CASK: variants seen among roughly 807,000 people sequenced by gnomAD.
CASK encodes the protein peripheral plasma membrane protein CASK.
CASK carries 4 observed loss-of-function variants against 82.9 expected under a neutral mutation model. The observed-to-expected ratio is 0.05, with a 90% CI of 0.02 to 0.11. CASK has a LOEUF of 0.11. Ranked by LOEUF, CASK falls within the 10% of genes least tolerant of loss-of-function variation. The pLI, the probability that CASK is intolerant of heterozygous loss-of-function variation, is 1.00. For missense variants in CASK, 358 were observed against 720.9 expected (o/e 0.50, Z 5.76); for synonymous variants, 259 against 253.5 (o/e 1.02, Z -0.20).
chrX:41,843,183 A>G (rs2071080651), intron 2 of CASK, among the ~76,000 whole-genome samples: 1 of 112,012 alleles, frequency 8.9e-6, no homozygotes, highest in African/African-American at 3.2e-5. Flanking sequence ...TGCCTTGGCT[A>G]AAATTTCCAG....
At chrX:41,772,345 CAAAAAAAAA>C (rs761427437) in intron 3 of CASK, among the ~76,000 whole-genome samples, 1 of 26,356 alleles carries the variant, frequency 3.8e-5, no homozygotes, top group Non-Finnish European at 5.8e-5. Flanking sequence ...GACTCTGTCT[CAAAAAAAAA>C]AAAAAAAAAA....
rs1323933838 is a variant in CASK at position 41,515,957 on chromosome X, A to G, written c.*4463T>C. The G allele has an allele frequency of 8.9e-6, 1 of 112,494 alleles. No homozygotes were observed. The highest frequency in any genetic ancestry group is 3.2e-5 in the African/African-American group (1 of 30,996). The allele number at this position is 112,494 out of a possible 1,213,427, so 9.3% of individuals were successfully genotyped here. ...AAAGGAGGTCTCCTGTGTGGTGACAAACATCTCTTTCCATTTTCTTTTGCT... is the reference window on the plus strand; with the variant it reads ...AAAGGAGGTCTCCTGTGTGGTGACAGACATCTCTTTCCATTTTCTTTTGCT... On this transcript the variant is annotated 3_prime_UTR_variant, in exon 27 of 27. Coordinates refer to ENST00000378163, the MANE Select transcript of CASK (RefSeq NM_001367721.1).
chrX:41,658,550 G>A (rs2066979096), intron 8 of CASK, among the ~76,000 whole-genome samples: 1 of 111,984 alleles, frequency 8.9e-6, no homozygotes, highest in South Asian at 3.7e-4. Flanking sequence ...TGTGGTGTGA[G>A]AGCAGTTTGA....
chrX:41,598,166 G>C (rs1457478502), intron 12 of CASK, among the ~76,000 whole-genome samples: 3 of 105,248 alleles, frequency 2.9e-5, no homozygotes, highest in Non-Finnish European at 5.7e-5. Context: ...CACACACAGA[G>C]TCCTTTCAAA....
chrX:41,811,774 C>T (rs2070292607), intron 2 of CASK, among the ~76,000 whole-genome samples: 2 of 111,422 alleles, frequency 1.8e-5, no homozygotes, highest in Non-Finnish European at 3.8e-5. Flanking sequence ...CATAAAAAAC[C>T]CTTCAAAAAA....
At chrX:41,528,787 C>G (rs2064752056) in intron 25 of CASK, among the ~76,000 whole-genome samples, 1 of 112,044 alleles carries the variant, frequency 8.9e-6, no homozygotes, top group Non-Finnish European at 1.9e-5. Context: ...GAGGCTCTGC[C>G]TGAAAGCAAG....
chrX:41,571,214 T>C (rs1416981409), intron 15 of CASK, among the ~76,000 whole-genome samples: 1 of 111,694 alleles, frequency 9.0e-6, no homozygotes, highest in Non-Finnish European at 1.9e-5. Flanking sequence ...TTTTTCAATG[T>C]TTTGAAAAGA....
chrX:41,911,825 A>C (rs1281980491), intron 1 of CASK, among the ~76,000 whole-genome samples: 4 of 111,851 alleles, frequency 3.6e-5, no homozygotes, highest in Non-Finnish European at 7.5e-5. Flanking sequence ...CAAATTATGA[A>C]AATCTGTAAC....
intron 1 of CASK, among the ~76,000 whole-genome samples, chrX:41,913,731 A>T (rs185974856): frequency 8.9e-6 from 1 of 112,639 alleles, no homozygotes; most frequent in Admixed American, 9.4e-5. Context: ...TATCTCAGAG[A>T]CATTCTAGAA....
At chrX:41,819,871 C>T (rs1046252029) in intron 2 of CASK, among the ~76,000 whole-genome samples, 2 of 111,736 alleles carry the variant, frequency 1.8e-5, no homozygotes, top group Admixed American at 9.5e-5. Context: ...AGAAATTCAA[C>T]ACTTATCCAT....
chrX:41,812,803 C>T (rs1283629465), intron 2 of CASK, among the ~76,000 whole-genome samples: 1 of 111,636 alleles, frequency 9.0e-6, no homozygotes, highest in African/African-American at 3.3e-5. Context: ...GTCAAATTGT[C>T]CCTGTTTGCA....
chrX:41,647,627 G>C (rs2066782271), intron 8 of CASK, among the ~76,000 whole-genome samples: 1 of 111,846 alleles, frequency 8.9e-6, no homozygotes, highest in Admixed American at 9.5e-5. Flanking sequence ...AGGGAGAGAT[G>C]TTGCAGGAAG....
chrX:41,845,509 G>C (rs1207654098), intron 2 of CASK, among the ~76,000 whole-genome samples: 1 of 111,379 alleles, frequency 9.0e-6, no homozygotes, highest in Admixed American at 9.5e-5. Flanking sequence ...TCTGATATTA[G>C]TAATAGCCAC....
At chrX:41,830,943 G>A (rs2070797676) in intron 2 of CASK, among the ~76,000 whole-genome samples, 1 of 110,639 alleles carries the variant, frequency 9.0e-6, no homozygotes, top group Admixed American at 9.6e-5. Context: ...TTTTACAGAT[G>A]TAATCTTTGC....
At chrX:41,692,638 T>C (rs892745402) in intron 5 of CASK, among the ~76,000 whole-genome samples, 18 of 112,581 alleles carry the variant, frequency 1.6e-4, no homozygotes, top group African/African-American at 5.2e-4. Flanking sequence ...CGTGCCTATT[T>C]CCTTCAACTT....
chrX:41,853,184 C>T lies in CASK; in HGVS notation c.103G>A (p.Gly35Arg). ...ACAATTTTTACAGCAAATTGTTGCC[C>T]AGTTTCTCTGTTGATACATCGTCGT... ...VVRRCINRETGQQFAVKIVDV... is the reference protein window; with the variant it reads ...VVRRCINRETRQQFAVKIVDV... The change falls in exon 2 of 27, where the codon GGG becomes AGG. Residue 35 changes from glycine (G) to arginine (R), a missense_variant. Gly to Arg is a moderately radical substitution (Grantham distance 125, BLOSUM62 -2). Coordinates refer to ENST00000378163, the MANE Select transcript of CASK (RefSeq NM_001367721.1). The T allele has an allele frequency of 8.3e-7, 1 of 1,208,184 alleles. No homozygotes were observed. The highest frequency in any genetic ancestry group is 1.7e-5 in the African/African-American group (1 of 57,671).
intron 1 of CASK, among the ~76,000 whole-genome samples, chrX:41,885,904 T>C (rs770233704): frequency 7.1e-5 from 8 of 112,286 alleles, no homozygotes; most frequent in African/African-American, 9.7e-5. Flanking sequence ...TTACAAAGAA[T>C]GAAGAAAAAG....
At chrX:41,880,934 T>A (rs993338425) in intron 1 of CASK, among the ~76,000 whole-genome samples, 4 of 111,592 alleles carry the variant, frequency 3.6e-5, no homozygotes, top group African/African-American at 1.3e-4. Context: ...CAGATTTGGT[T>A]ACATAAATAT....
rs140976691 is a variant in CASK, at chrX:41,727,886, T to C, written c.429+11498A>G. The C allele has an allele frequency of 1.7e-5, 20 of 1,204,060 alleles. No individual in the cohort carries two copies. In the African/African-American group the frequency reaches 3.1e-4, roughly 19 times the overall value. ...GATAACTGTCAGCAATTGAATTATTTAATAGAAACAAAAAACATTCTCACC... is the reference window on the plus strand; with the variant it reads ...GATAACTGTCAGCAATTGAATTATTCAATAGAAACAAAAAACATTCTCACC... On this transcript the variant is annotated intron_variant, in intron 5 of 26. Transcript: ENST00000378163.
Sources: allele counts gnomAD v4.1 joint callset (sites outside exome capture counted in the v4.1 genomes callset), GRCh38; gene constraint gnomAD v4.1.1; transcripts MANE v1.5; gene names NCBI Gene and HGNC (gene_info 2026-07-23, HGNC 2026-07-21).